Variants in SERPINC1 observed in about 807,000 individuals in gnomAD.
SERPINC1 encodes the protein serpin family C member 1.
SERPINC1 carries 12 observed loss-of-function variants against 43.4 expected under a neutral mutation model. The observed-to-expected ratio is 0.28, with a 90% CI of 0.18 to 0.45. SERPINC1 has a LOEUF of 0.45. Ranked by LOEUF, SERPINC1 falls within the 20% of genes least tolerant of loss-of-function variation. The pLI is 1.00. For synonymous variants in SERPINC1, 210 were observed against 218.9 expected (o/e 0.96, Z 0.36); for missense variants, 423 against 578.8 (o/e 0.73, Z 2.76).
intron 3 of SERPINC1, among the ~76,000 whole-genome samples, chr1:173,911,421 T>C (rs1657765330): frequency 6.6e-6 from 1 of 152,260 alleles, no homozygotes; most frequent in African/African-American, 2.4e-5. Flanking sequence ...ATGTGCTTCA[T>C]GAATCTCCAA....
intron 2 of SERPINC1, among the ~76,000 whole-genome samples, chr1:173,912,519 C>T (rs910978645): frequency 2.0e-5 from 3 of 152,176 alleles, no homozygotes; most frequent in Non-Finnish European, 4.4e-5. Context: ...GTCATCCATG[C>T]TTTGAAGTTG....
intron 6 of SERPINC1, among the ~76,000 whole-genome samples, chr1:173,904,978 G>A (rs764116138): frequency 9.9e-5 from 15 of 152,118 alleles, no homozygotes; most frequent in Non-Finnish European, 2.1e-4. Flanking sequence ...CAAAGAAAAC[G>A]GCTTTGTTGT....
chr1:173,909,791 G>A lies in SERPINC1; in HGVS notation c.914C>T (p.Pro305Leu), dbSNP rs549991084. ...VAEGTQVLEL[P>L]FKGDDITMVL... ...CATGGTGATGTCATCACCTTTGAAG[G>A]GCAACTCAAGCACCTGGGTGCCTTC... The change falls in exon 5 of 7, where the codon CCC (proline) becomes CTC (leucine). Residue 305 changes from proline (P) to leucine (L), a missense_variant. Coordinates refer to ENST00000367698, the MANE Select transcript of SERPINC1 (RefSeq NM_000488.4). 6.2e-7 allele frequency: 1 copy of A among 1,614,176 alleles called. No individual in the cohort carries two copies. The highest frequency in any genetic ancestry group is 1.3e-5 in the African/African-American group (1 of 75,048).
intron 4 of SERPINC1, 72 bp downstream of exon 4, chr1:173,910,682 T>G: frequency 6.6e-7 from 1 of 1,523,440 alleles, no homozygotes; most frequent in East Asian, 2.3e-5. Flanking sequence ...GGTCTCGCCA[T>G]TTAAAAAAAA....
At chr1:173,910,722 C>T in intron 4 of SERPINC1, 32 bp downstream of exon 4, 1 of 1,611,826 alleles carries the variant, frequency 6.2e-7, no homozygotes, top group South Asian at 1.1e-5. Context: ...AAGAGGAAGT[C>T]CCTGGGGTCT....
At chr1:173,914,991 C>A in intron 1 of SERPINC1, 72 bp from the exon 2 acceptor site, 1 of 1,568,140 alleles carries the variant, frequency 6.4e-7, no homozygotes, top group East Asian at 2.3e-5. Flanking sequence ...CAGGGTTGCC[C>A]CAGTAAAGCA....
At position 173,910,811 on chromosome 1, in the gene SERPINC1, G is replaced by C. The variant is rs1557902757; in HGVS notation, c.705C>G (p.Pro235=). The C allele has an allele frequency of 1.2e-6, 2 of 1,613,942 alleles. No homozygotes were observed. The highest frequency in any genetic ancestry group is 8.5e-7 in the Non-Finnish European group (1 of 1,179,832). ...CAGTGAGCTCATTGATGGCTTCCGA[G>C]GGAATGACATCGGTGATTCGGCCTT... The part of the protein sequence containing the change: ...KTEGRITDVI[P]SEAINELTVL... The change falls in exon 4 of 7, where the codon CCC becomes CCG. Residue 235 remains proline (P), a synonymous_variant. Transcript: ENST00000367698.
chr1:173,914,819 G>A lies in SERPINC1; in HGVS notation c.142C>T (p.Pro48Ser), dbSNP rs769761264. 5.0e-6 allele frequency: 8 copies of A among 1,614,170 alleles called. No homozygotes were observed. The East Asian group carries it at 1.8e-4, about 36-fold the overall frequency. ...DICTAKPRDIPMNPMCIYRSP... is the reference protein window; with the variant it reads ...DICTAKPRDISMNPMCIYRSP... Reference sequence around the variant, plus strand: ...CGGTAAATGCACATGGGATTCATGGGAATGTCCCGCGGCTTGGCTGTGCAG... The same window carrying A: ...CGGTAAATGCACATGGGATTCATGGAAATGTCCCGCGGCTTGGCTGTGCAG... Residue 48 changes from proline (P) to serine (S), a missense_variant, in exon 2 of 7, where the codon CCC becomes TCC. Pro to Ser is a moderately conservative substitution (Grantham distance 74). Coordinates refer to ENST00000367698, the MANE Select transcript of SERPINC1 (RefSeq NM_000488.4).
chr1:173,904,000 G>A lies in SERPINC1; in HGVS notation c.1284C>T (p.Asn428=). Residue 428 remains asparagine (N), a synonymous_variant, in exon 7 of 7, where the codon AAC becomes AAT. Transcript: ENST00000367698. ...TGGCCTTGAAAGTCACCCTGTTGGG[G>A]TTTAGCGAACGGCCAGCAATCACAA... The part of the protein sequence containing the change: ...TAVVIAGRSL[N]PNRVTFKANR... The A allele has an allele frequency of 1.2e-6, 2 of 1,614,172 alleles. No individual in the cohort carries two copies. The highest frequency in any genetic ancestry group is 2.2e-5 in the South Asian group (2 of 91,086).
intron 6 of SERPINC1, among the ~76,000 whole-genome samples, chr1:173,905,590 G>A (rs535603209): frequency 7.2e-5 from 11 of 151,976 alleles, no homozygotes; most frequent in Non-Finnish European, 1.2e-4. Flanking sequence ...GCGTGGTGGC[G>A]GGCACCTGTA....
In SERPINC1 at chr1:173,904,011, G is replaced by A. The variant is rs121909554; in HGVS notation, c.1273C>T (p.Arg425Cys). ...AASTAVVIAG[R>C]SLNPNRVTFK... ...GTCACCCTGTTGGGGTTTAGCGAAC[G>A]GCCAGCAATCACAACAGCGGTACTT... The change falls in exon 7 of 7, where the codon CGT becomes TGT. Residue 425 changes from arginine (R) to cysteine (C), a missense_variant. Physicochemically the swap from Arg to Cys is radical, Grantham distance 180 (BLOSUM62 -3). Transcript: ENST00000367698. 1 of 1,614,140 alleles carries A rather than the reference G, an allele frequency of 6.2e-7. No homozygotes were observed. The highest frequency in any genetic ancestry group is 2.2e-5 in the East Asian group (1 of 44,884).
chr1:173,913,827 C>A (rs1657872982), intron 2 of SERPINC1, among the ~76,000 whole-genome samples: 1 of 150,686 alleles, frequency 6.6e-6, no homozygotes, highest in African/African-American at 2.5e-5. Context: ...TGCGCTCCAG[C>A]CTGGATGACA....
rs1350475812 is a variant in SERPINC1, at chr1:173,908,233, T to TA, written c.1154-720dup. The stretch of plus-strand genomic sequence containing the variant: ...CCAATAGCACAGTGGCTCACGCCTG[T>TA]AATCCCAGCACTTTGGGAGGCCAAG... On this transcript the variant is annotated intron_variant, in intron 5 of 6. Coordinates refer to ENST00000367698, the MANE Select transcript of SERPINC1 (RefSeq NM_000488.4). Among the ~76,000 whole-genome samples, 12 of 152,046 alleles carry TA rather than the reference T, an allele frequency of 7.9e-5. No homozygotes were observed. In the East Asian group the frequency reaches 2.3e-3, roughly 30 times the overall value.
intron 5 of SERPINC1, among the ~76,000 whole-genome samples, chr1:173,909,225 C>T (rs757674863): frequency 6.6e-6 from 1 of 152,098 alleles, no homozygotes. Flanking sequence ...CACATTTCCC[C>T]AGCTCTTAAT....
At chr1:173,906,974 CG>C (rs1004698985) in intron 6 of SERPINC1, among the ~76,000 whole-genome samples, 1 of 152,060 alleles carries the variant, frequency 6.6e-6, no homozygotes, top group African/African-American at 2.4e-5. Context: ...AAAAATTAGC[CG>C]GGCGTGATGG....
chr1:173,907,462 C>T lies in SERPINC1; in HGVS notation c.1206G>A (p.Lys402=), dbSNP rs920003404. The change falls in exon 6 of 7, where the codon AAG becomes AAA. Residue 402 remains lysine (K), a synonymous_variant. Transcript: ENST00000367698. Reference sequence around the variant, plus strand: ...AAGGTGTACTCACCTCAAGAAATGCCTTATGGAATGCATCTGAGACATAGA... The same window carrying T: ...AAGGTGTACTCACCTCAAGAAATGCTTTATGGAATGCATCTGAGACATAGA... ...DDLYVSDAFH[K]AFLEVNEEGS... is the part of the protein sequence containing the mutation. 3 of 1,612,770 alleles carry T rather than the reference C, an allele frequency of 1.9e-6. No homozygotes were observed. The highest frequency in any genetic ancestry group is 2.7e-5 in the African/African-American group (2 of 74,880).
chr1:173,916,172 A>G (rs1385700126), intron 1 of SERPINC1, among the ~76,000 whole-genome samples: 1 of 152,264 alleles, frequency 6.6e-6, no homozygotes, highest in African/African-American at 2.4e-5. Flanking sequence ...CGATGAAGCA[A>G]ATCAAGAGAT....
intron 1 of SERPINC1, 198 bp from the exon 2 acceptor site, chr1:173,915,117 T>C: frequency 6.9e-7 from 1 of 1,444,596 alleles, no homozygotes. Context: ...TTCAGTTGCC[T>C]GGACGTGGTC....
Position 173,914,728 on chromosome 1 carries a change from C to T in SERPINC1, c.233G>A (p.Arg78Gln), listed in dbSNP as rs774294043. The change falls in exon 2 of 7, where the codon CGG (arginine) becomes CAG (glutamine). Residue 78 changes from arginine (R) to glutamine (Q), a missense_variant. Transcript: ENST00000367698. Reference sequence around the variant, plus strand: ...GGCCTTGGACAGTTCCCAGACACGCCGGTTGGTGGCCTCCGGGATCTTCTG... The same window carrying T: ...GGCCTTGGACAGTTCCCAGACACGCTGGTTGGTGGCCTCCGGGATCTTCTG... The part of the protein sequence containing the change: ...SEQKIPEATN[R>Q]RVWELSKANS... 7.4e-6 allele frequency: 12 copies of T among 1,614,088 alleles called. No homozygotes were observed. The Admixed American group carries it at 1.3e-4, about 18-fold the overall frequency.
Sources: allele counts gnomAD v4.1 joint callset (sites outside exome capture counted in the v4.1 genomes callset), GRCh38; gene constraint gnomAD v4.1.1; transcripts MANE v1.5; gene names NCBI Gene and HGNC (gene_info 2026-07-23, HGNC 2026-07-21).